The following WWOX variants were observed in gnomAD, a reference collection of about 807,000 sequenced individuals.
WWOX encodes the protein WW domain containing oxidoreductase.
A neutral mutation model predicts 46.2 loss-of-function variants in WWOX; 69 were observed. The observed-to-expected ratio is 1.49, with a 90% CI of 1.23 to 1.82. The LOEUF (loss-of-function observed/expected upper bound fraction) is 1.82, where lower values mean the gene tolerates loss of function less well. Among genes scored for constraint, WWOX ranks in the 40% most tolerant of loss-of-function variants. WWOX has a pLI of 0.00. For missense variants in WWOX, 919 were observed against 542.6 expected, an observed-to-expected ratio of 1.69 and a Z score of -6.89; for synonymous variants, 359 against 202.6, an observed-to-expected ratio of 1.77 and a Z score of -6.56.
intron 8 of WWOX, among the ~76,000 whole-genome samples, chr16:78,913,064 C>A (rs573127201): frequency 6.6e-6 from 1 of 151,934 alleles, no homozygotes; most frequent in African/African-American, 2.4e-5. Context: ...AATGAATTAA[C>A]CCTTTGGATT....
intron 8 of WWOX, among the ~76,000 whole-genome samples, chr16:78,930,088 C>G (rs1449929708): frequency 6.6e-6 from 1 of 152,074 alleles, no homozygotes; most frequent in Non-Finnish European, 1.5e-5. Flanking sequence ...CTTCTTCACA[C>G]TCCTCCTTCC....
intron 8 of WWOX, among the ~76,000 whole-genome samples, chr16:78,500,658 A>G (rs754273944): frequency 4.6e-5 from 7 of 152,196 alleles, no homozygotes; most frequent in Non-Finnish European, 8.8e-5. Context: ...CTTGGGTATC[A>G]TCGTGGTTAT....
chr16:79,109,711 A>T (rs2049380338), intron 8 of WWOX, among the ~76,000 whole-genome samples: 1 of 152,200 alleles, frequency 6.6e-6, no homozygotes, highest in South Asian at 2.1e-4. Context: ...TATTCATAGA[A>T]CAACTCCTTG....
At chr16:78,142,537 T>G (rs1412092657) in intron 4 of WWOX, among the ~76,000 whole-genome samples, 2 of 152,262 alleles carry the variant, frequency 1.3e-5, no homozygotes, top group Non-Finnish European at 2.9e-5. Flanking sequence ...ACCTTGGATG[T>G]GATTCCTCAA....
At chr16:78,101,459 G>A (rs2151654972) in intron 1 of WWOX, among the ~76,000 whole-genome samples, 1 of 149,900 alleles carries the variant, frequency 6.7e-6, no homozygotes, top group Non-Finnish European at 1.5e-5. Flanking sequence ...CGATTCTCGT[G>A]TCTCAGCCTC....
intron 6 of WWOX, among the ~76,000 whole-genome samples, chr16:78,392,454 A>G (rs2082197002): frequency 6.6e-6 from 1 of 151,516 alleles, no homozygotes; most frequent in African/African-American, 2.4e-5. Context: ...ATATATTACA[A>G]CGTAATAATA....
At chr16:78,684,377 A>C (rs1273930230) in intron 8 of WWOX, among the ~76,000 whole-genome samples, 1 of 152,166 alleles carries the variant, frequency 6.6e-6, no homozygotes, top group African/African-American at 2.4e-5. Flanking sequence ...TTTCCTTAGC[A>C]GGGAGTGCCA....
intron 8 of WWOX, among the ~76,000 whole-genome samples, chr16:78,747,081 C>A (rs561169986): frequency 1.3e-5 from 2 of 152,100 alleles, no homozygotes; most frequent in Non-Finnish European, 2.9e-5. Context: ...TGCAACCACT[C>A]TAGTCTTCTT....
At chr16:78,249,807 A>G (rs1411348965) in intron 5 of WWOX, among the ~76,000 whole-genome samples, 1 of 152,024 alleles carries the variant, frequency 6.6e-6, no homozygotes, top group East Asian at 1.9e-4. Context: ...AACATTCCAC[A>G]AACATTTAAT....
chr16:78,434,254 A>C (rs761979277), intron 8 of WWOX, among the ~76,000 whole-genome samples: 7 of 152,182 alleles, frequency 4.6e-5, no homozygotes, highest in Non-Finnish European at 7.4e-5. Context: ...GAAAGGACCT[A>C]CGGAGAATGG....
intron 8 of WWOX, among the ~76,000 whole-genome samples, chr16:78,484,656 G>A (rs1402982907): frequency 6.6e-6 from 1 of 151,990 alleles, no homozygotes; most frequent in Non-Finnish European, 1.5e-5. Context: ...GTGGATGTGG[G>A]GCTTTAAAGG....
chr16:78,402,902 C>G (rs564969676), intron 6 of WWOX, among the ~76,000 whole-genome samples: 1 of 152,296 alleles, frequency 6.6e-6, no homozygotes, highest in Non-Finnish European at 1.5e-5. Context: ...AATTAATCCT[C>G]AACTCCAGAG....
At chr16:79,027,427 G>T (rs1236016278) in intron 8 of WWOX, among the ~76,000 whole-genome samples, 3 of 151,616 alleles carry the variant, frequency 2.0e-5, no homozygotes, top group Non-Finnish European at 4.4e-5. Context: ...GCTATCCTGG[G>T]CCTCCCTGCC....
intron 8 of WWOX, among the ~76,000 whole-genome samples, chr16:79,057,494 T>TA (rs1289022775): frequency 6.6e-6 from 1 of 152,184 alleles, no homozygotes; most frequent in Non-Finnish European, 1.5e-5. Context: ...CCATTATTAT[T>TA]TCTGTTATAT....
At chr16:79,170,892 C>G (rs935712104) in intron 8 of WWOX, among the ~76,000 whole-genome samples, 2 of 152,126 alleles carry the variant, frequency 1.3e-5, no homozygotes, top group Non-Finnish European at 2.9e-5. Context: ...TTCGTGGATT[C>G]CTGTGTGCTG....
chr16:78,342,459 G>A lies in WWOX; in HGVS notation c.517-44401G>A, dbSNP rs1243834496. ...CAGGATGAAGCAGCATTTTTTATGG[G>A]CAGGTTTGCACGTGGCATTTGTTGC... On this transcript the variant is annotated intron_variant, in intron 5 of 8. Transcript: ENST00000566780. Among the ~76,000 whole-genome samples, 9 of 120,112 alleles carry A rather than the reference G, an allele frequency of 7.5e-5. 3 individuals are homozygous for A. The highest frequency in any genetic ancestry group is 2.5e-4 in the African/African-American group (9 of 35,332). 78.8% of individuals were successfully genotyped at this position (120,112 alleles called of 152,430 possible).
intron 8 of WWOX, among the ~76,000 whole-genome samples, chr16:78,863,341 C>T (rs1473173451): frequency 6.6e-6 from 1 of 152,300 alleles, no homozygotes; most frequent in South Asian, 2.1e-4. Context: ...TCAGAGTCAT[C>T]TCAAAAATCT....
chr16:79,040,183 C>T (rs527617529), intron 8 of WWOX, among the ~76,000 whole-genome samples: 6 of 152,064 alleles, frequency 3.9e-5, no homozygotes, highest in East Asian at 1.9e-4. Flanking sequence ...AAAATGATAG[C>T]GTTCATCCTT....
chr16:78,926,477 T>C (rs2045501303), intron 8 of WWOX, among the ~76,000 whole-genome samples: 1 of 152,220 alleles, frequency 6.6e-6, no homozygotes, highest in Non-Finnish European at 1.5e-5. Context: ...TTTGTGTCTA[T>C]GGTTTCTCCA....
Sources: gnomAD v4.1 joint callset for allele counts (sites outside exome capture counted in the v4.1 genomes callset) on GRCh38, gnomAD v4.1.1 for gene constraint, MANE v1.5 for transcripts, NCBI Gene and HGNC (gene_info 2026-07-23, HGNC 2026-07-21) for gene names.